Variants in XPR1 observed in about 807,000 individuals in gnomAD.
The protein encoded by XPR1 is xenotropic and polytropic retrovirus receptor 1, also known as solute carrier family 53 member 1.
Under a neutral mutation model 87.5 loss-of-function variants are expected in XPR1, and 28 were observed. That is an observed-to-expected ratio of 0.32 (90% CI 0.24 to 0.44). XPR1 has a LOEUF of 0.44. XPR1 is among the 20% of genes least tolerant of loss of function. XPR1 has a pLI of 1.00. For synonymous variants in XPR1, 300 were observed against 306.1 expected, an observed-to-expected ratio of 0.98 and a Z score of 0.21; for missense variants, 559 against 862.3, an observed-to-expected ratio of 0.65 and a Z score of 4.41.
intron 2 of XPR1, among the ~76,000 whole-genome samples, chr1:180,733,685 A>C (rs1425550343): frequency 6.6e-6 from 1 of 152,232 alleles, no homozygotes; most frequent in African/African-American, 2.4e-5. Flanking sequence ...GATGTAGAGC[A>C]GTGGATTTAA....
At chr1:180,637,741 A>T (rs554825308) in intron 1 of XPR1, among the ~76,000 whole-genome samples, 1 of 152,246 alleles carries the variant, frequency 6.6e-6, no homozygotes, top group South Asian at 2.1e-4. Flanking sequence ...TTTAGTAGAG[A>T]CAGGGCTTCA....
In XPR1 at chr1:180,787,620, G is replaced by A. The variant is rs1195370019; in HGVS notation, c.122-133G>A. The A allele has an allele frequency of 7.8e-6, 5 of 642,586 alleles. No homozygotes were observed. In the Admixed American group the frequency reaches 1.3e-4, roughly 17 times the overall value. 39.8% of individuals were successfully genotyped at this position (642,586 alleles called of 1,614,324 possible). ...TAGTCTTTTCTTAATATGGTTCACA[G>A]TTCACTTTTTCAGAGAAATACATAT... On this transcript the variant is annotated intron_variant, in intron 2 of 14. Transcript: ENST00000367590.
chr1:180,882,361 T>C (rs1363358528), intron 14 of XPR1, among the ~76,000 whole-genome samples: 1 of 152,172 alleles, frequency 6.6e-6, no homozygotes, highest in African/African-American at 2.4e-5. Flanking sequence ...TTTTTGTTTG[T>C]TTGTTTTTTT....
At chr1:180,852,448 A>G (rs1035850633) in intron 11 of XPR1, among the ~76,000 whole-genome samples, 6 of 151,574 alleles carry the variant, frequency 4.0e-5, no homozygotes, top group Non-Finnish European at 7.4e-5. Flanking sequence ...CCCTATCCAT[A>G]CCTTCACTTT....
chr1:180,716,051 C>T (rs1657982312), intron 2 of XPR1, among the ~76,000 whole-genome samples: 1 of 152,160 alleles, frequency 6.6e-6, no homozygotes, highest in Non-Finnish European at 1.5e-5. Context: ...AGGGAGTGGA[C>T]AATCCCTAGA....
At chr1:180,770,947 A>T (rs941763295) in intron 2 of XPR1, among the ~76,000 whole-genome samples, 1 of 152,076 alleles carries the variant, frequency 6.6e-6, no homozygotes, top group African/African-American at 2.4e-5. Flanking sequence ...AGTGTTTCAG[A>T]GACTTTCTGG....
chr1:180,754,524 G>A (rs1200190831), intron 2 of XPR1, among the ~76,000 whole-genome samples: 3 of 151,912 alleles, frequency 2.0e-5, no homozygotes, highest in Non-Finnish European at 2.9e-5. Flanking sequence ...ATACTGGTGC[G>A]ATCTCATCTC....
intron 14 of XPR1, among the ~76,000 whole-genome samples, chr1:180,883,506 T>C (rs4542178): frequency 1 from 152,073 of 152,168 alleles, 75,990 homozygotes; most frequent in Middle Eastern, 1. Flanking sequence ...GTCAGGAGTT[T>C]GAGACCAGCC....
At chr1:180,803,240 A>G in intron 3 of XPR1, 148 bp from the exon 4 acceptor site, 3 of 698,544 alleles carry the variant, frequency 4.3e-6, no homozygotes, top group East Asian at 5.6e-5. Context: ...TTACACAAAA[A>G]TATTTTTTCC....
chr1:180,634,656 G>C (rs1437590398), intron 1 of XPR1, among the ~76,000 whole-genome samples: 1 of 152,050 alleles, frequency 6.6e-6, no homozygotes, highest in African/African-American at 2.4e-5. Context: ...TTCAAGCACT[G>C]GTGGTGAAAT....
chr1:180,663,680 A>G (rs1215745651), intron 1 of XPR1, among the ~76,000 whole-genome samples: 3 of 152,116 alleles, frequency 2.0e-5, no homozygotes, highest in Non-Finnish European at 4.4e-5. Flanking sequence ...CTAGGGCTCT[A>G]TATTCAGCAG....
intron 11 of XPR1, among the ~76,000 whole-genome samples, chr1:180,861,634 G>A (rs1414258377): frequency 1.3e-5 from 2 of 152,056 alleles, no homozygotes; most frequent in Admixed American, 1.3e-4. Context: ...GTGAAAATGT[G>A]ATTATATCAG....
chr1:180,791,643 A>G (rs1649393154), intron 3 of XPR1, among the ~76,000 whole-genome samples: 1 of 152,200 alleles, frequency 6.6e-6, no homozygotes, highest in Non-Finnish European at 1.5e-5. Context: ...TGTTTTATAT[A>G]TGTTTGTATG....
At chr1:180,641,877 A>G (rs1380451858) in intron 1 of XPR1, among the ~76,000 whole-genome samples, 1 of 152,154 alleles carries the variant, frequency 6.6e-6, no homozygotes, top group African/African-American at 2.4e-5. Context: ...AAGGCTTATC[A>G]TTGCTGTATA....
chr1:180,783,981 G>A (rs1649039520), intron 2 of XPR1, among the ~76,000 whole-genome samples: 1 of 151,830 alleles, frequency 6.6e-6, no homozygotes, highest in Admixed American at 6.6e-5. Flanking sequence ...CTTGAACCCG[G>A]AAGGTGTAGG....
chr1:180,766,490 C>T (rs1342709673), intron 2 of XPR1, among the ~76,000 whole-genome samples: 1 of 151,884 alleles, frequency 6.6e-6, no homozygotes, highest in Non-Finnish European at 1.5e-5. Context: ...GCTTCTAGCC[C>T]AGGCTTGAGA....
intron 2 of XPR1, among the ~76,000 whole-genome samples, chr1:180,787,529 T>G (rs1649199533): frequency 6.6e-6 from 1 of 152,224 alleles, no homozygotes; most frequent in African/African-American, 2.4e-5. Flanking sequence ...TCTGCCCGCC[T>G]CGGCCTCCCG....
At chr1:180,709,440 C>T (rs1049133042) in intron 2 of XPR1, among the ~76,000 whole-genome samples, 2 of 152,128 alleles carry the variant, frequency 1.3e-5, no homozygotes, top group Admixed American at 6.5e-5. Flanking sequence ...TTTTTGTAAT[C>T]TCTGCTTCCC....
At chr1:180,757,399 A>C (rs913324720) in intron 2 of XPR1, among the ~76,000 whole-genome samples, 1 of 152,164 alleles carries the variant, frequency 6.6e-6, no homozygotes, top group South Asian at 2.1e-4. Flanking sequence ...CAAATGAAGA[A>C]TGTCAGTGGA....
Sources: allele counts gnomAD v4.1 joint callset (sites outside exome capture counted in the v4.1 genomes callset), GRCh38; gene constraint gnomAD v4.1.1; transcripts MANE v1.5; gene names NCBI Gene and HGNC (gene_info 2026-07-23, HGNC 2026-07-21).